The following HMGA2 variants were observed in gnomAD, a reference collection of about 807,000 sequenced individuals.
The protein encoded by HMGA2 is high mobility group AT-hook 2.
HMGA2 carries 8 observed loss-of-function variants against 19.1 expected under a neutral mutation model. The ratio of observed to expected loss-of-function variants is 0.42; its 90% confidence interval spans 0.25 to 0.76. HMGA2 has a LOEUF of 0.76. Ranked by LOEUF, HMGA2 falls within the 30% of genes least tolerant of loss-of-function variation. HMGA2 has a pLI of 0.28. For synonymous variants in HMGA2, 60 were observed against 48.8 expected (o/e 1.23, Z -0.96); for missense variants, 109 against 136.3 (o/e 0.80, Z 1.00).
intron 3 of HMGA2, chr12:65,881,929 GGAGAGA>G (rs1565720023): frequency 1.4e-6 from 1 of 701,452 alleles, no homozygotes; most frequent in African/African-American, 1.7e-5. Context: ...CAGAAGGCAT[GGAGAGA>G]TTCCAATTGC....
chr12:65,841,308 G>T (rs1404298409), intron 3 of HMGA2, among the ~76,000 whole-genome samples: 1 of 152,090 alleles, frequency 6.6e-6, no homozygotes, highest in Non-Finnish European at 1.5e-5. Flanking sequence ...GACTCTCCTG[G>T]TTTCTAATTT....
chr12:65,945,966 A>G (rs1490902542), intron 3 of HMGA2, among the ~76,000 whole-genome samples: 1 of 152,218 alleles, frequency 6.6e-6, no homozygotes, highest in Non-Finnish European at 1.5e-5. Context: ...GCTTACATCT[A>G]AAGGACTCTT....
At chr12:65,867,742 A>C (rs546469130) in intron 3 of HMGA2, 31 of 244,278 alleles carry the variant, frequency 1.3e-4, no homozygotes, top group African/African-American at 6.5e-4. Flanking sequence ...AAGTGAGGAA[A>C]AGATCTGAAT....
At chr12:65,923,877 G>C (rs1346590765) in intron 3 of HMGA2, among the ~76,000 whole-genome samples, 1 of 152,238 alleles carries the variant, frequency 6.6e-6, no homozygotes, top group East Asian at 1.9e-4. Context: ...GGGTGTGGTG[G>C]CACATGCCTG....
chr12:65,884,913 T>C (rs971752080), intron 3 of HMGA2, among the ~76,000 whole-genome samples: 5 of 152,232 alleles, frequency 3.3e-5, no homozygotes, highest in Non-Finnish European at 5.9e-5. Context: ...AAATTGCGCC[T>C]GGCACATAGT....
At chr12:65,826,725 C>T (rs1168248628) in intron 1 of HMGA2, 1 of 151,266 alleles carries the variant, frequency 6.6e-6, no homozygotes, top group Admixed American at 6.6e-5. Flanking sequence ...TCTCTGCCCT[C>T]CCCCACTTGT....
intron 3 of HMGA2, chr12:65,881,471 A>G: frequency 1.9e-6 from 1 of 515,548 alleles, no homozygotes; most frequent in Non-Finnish European, 3.5e-6. Context: ...AAACCCTTAA[A>G]GGATTATGAA....
intron 3 of HMGA2, among the ~76,000 whole-genome samples, chr12:65,942,043 A>G (rs1396788619): frequency 6.6e-6 from 1 of 152,208 alleles, no homozygotes; most frequent in Non-Finnish European, 1.5e-5. Context: ...ACTTTCAAGT[A>G]TATTGCCAAC....
intron 3 of HMGA2, among the ~76,000 whole-genome samples, chr12:65,943,393 C>T (rs1876156465): frequency 6.6e-6 from 1 of 152,186 alleles, no homozygotes; most frequent in African/African-American, 2.4e-5. Flanking sequence ...GCCCCCCAGT[C>T]TGTTCTCATG....
chr12:65,956,151 A>G (rs759190246), intron 4 of HMGA2: 1 of 152,216 alleles, frequency 6.6e-6, no homozygotes, highest in Non-Finnish European at 1.5e-5. Context: ...TCACTCGTCT[A>G]CTCACTCAAG....
chr12:65,835,250 G>A (rs909127155), intron 2 of HMGA2, among the ~76,000 whole-genome samples: 3 of 152,152 alleles, frequency 2.0e-5, no homozygotes, highest in African/African-American at 7.2e-5. Context: ...ATCCTGAAGA[G>A]CATTAAACAC....
chr12:65,872,414 G>A (rs1872755049), intron 3 of HMGA2, among the ~76,000 whole-genome samples: 2 of 152,094 alleles, frequency 1.3e-5, no homozygotes, highest in South Asian at 4.2e-4. Flanking sequence ...TTATATCTGA[G>A]GTCCTCTATT....
At position 65,825,352 on chromosome 12, in the gene HMGA2, G is replaced by C. The variant is rs7968829; in HGVS notation, c.82G>C (p.Gly28Arg). The C allele has an allele frequency of 3.9e-6, 6 of 1,535,362 alleles. No individual in the cohort carries two copies. The African/African-American group carries it at 5.6e-5, about 14-fold the overall frequency. Residue 28 changes from glycine (G) to arginine (R), a missense_variant, in exon 1 of 5, where the codon GGA (glycine) becomes CGA (arginine). Coordinates refer to ENST00000403681, the MANE Select transcript of HMGA2 (RefSeq NM_003483.6). The surrounding 1 kb of genome is among the most constrained non-coding windows in gnomAD (Gnocchi z 4.4). The stretch of plus-strand genomic sequence containing the variant: ...TGCCGCCCCAGCGCCTCAGAAGAGA[G>C]GACGCGGCCGCCCCAGGAAGCAGCA... Reference protein sequence around the residue: ...QPAAPAPQKRGRGRPRKQQQE... With the variant: ...QPAAPAPQKRRRGRPRKQQQE...
chr12:65,843,588 C>T (rs1405487482), intron 3 of HMGA2: 2 of 174,836 alleles, frequency 1.1e-5, no homozygotes, highest in Non-Finnish European at 2.5e-5. Flanking sequence ...ATTGAAGAAC[C>T]CGGAAATCTG....
At chr12:65,861,846 C>CTT (rs1346372420) in intron 3 of HMGA2, among the ~76,000 whole-genome samples, 10 of 134,168 alleles carry the variant, frequency 7.5e-5, no homozygotes, top group African/African-American at 2.2e-4. Context: ...CAACATGTTT[C>CTT]TTTTTTTTTT....
intron 3 of HMGA2, among the ~76,000 whole-genome samples, chr12:65,915,684 C>T (rs1280677448): frequency 6.6e-6 from 1 of 152,152 alleles, no homozygotes; most frequent in Admixed American, 6.5e-5. Flanking sequence ...CCAGTTCCAG[C>T]TATTTCTTTG....
intron 3 of HMGA2, among the ~76,000 whole-genome samples, chr12:65,878,424 A>G (rs1046460833): frequency 2.6e-5 from 4 of 152,260 alleles, no homozygotes; most frequent in African/African-American, 9.6e-5. Context: ...ACTGTATAGC[A>G]ATTGCAGGAT....
intron 3 of HMGA2, among the ~76,000 whole-genome samples, chr12:65,904,639 T>C (rs1874509495): frequency 6.6e-6 from 1 of 152,230 alleles, no homozygotes. Flanking sequence ...ATAATTGTTT[T>C]TGACATTTTG....
intron 3 of HMGA2, chr12:65,882,142 G>A: frequency 7.1e-6 from 3 of 419,998 alleles, no homozygotes; most frequent in Non-Finnish European, 1.3e-5. Context: ...GACAGAGCTG[G>A]GCAGGCGGCG....
Sources: allele counts gnomAD v4.1 joint callset (sites outside exome capture counted in the v4.1 genomes callset), GRCh38; gene constraint gnomAD v4.1.1; non-coding constraint Gnocchi (gnomAD v3.1); transcripts MANE v1.5; gene names NCBI Gene and HGNC (gene_info 2026-07-23, HGNC 2026-07-21).